Variants in IRX4 observed in about 807,000 individuals in gnomAD.
IRX4 encodes iroquois-class homeodomain protein IRX-4.
A neutral mutation model predicts 32.0 loss-of-function variants in IRX4; 22 were observed. The observed-to-expected ratio is 0.69, with a 90% CI of 0.49 to 0.98. The LOEUF is 0.98. Ranked by LOEUF, IRX4 falls within the 50% of genes least tolerant of loss-of-function variation. IRX4 has a pLI of 0.00. For missense variants in IRX4, 840 were observed against 744.2 expected (o/e 1.13, Z -1.50); for synonymous variants, 379 against 351.7 (o/e 1.08, Z -0.87).
chr5:1,878,327 G>T lies in IRX4; in HGVS notation c.1202C>A (p.Ala401Glu), dbSNP rs1347419625. The T allele has an allele frequency of 6.4e-7, 1 of 1,556,456 alleles. No individual in the cohort carries two copies. Residue 401 changes from alanine (A) to glutamate (E), a missense_variant, in exon 5 of 5, where the codon GCG becomes GAG. Ala to Glu is a moderately radical substitution (Grantham distance 107). Transcript: ENST00000231357. Reference protein sequence around the residue: ...PSCMLKRQGPAAPAAVSSAPA... With the variant: ...PSCMLKRQGPEAPAAVSSAPA... ...CGCGGAGGACACAGCCGCAGGGGCC[G>T]CGGGACCTTGGCGCTTGAGCATGCA...
chr5:1,884,688 C>A (rs536136412), upstream of IRX4: 6 of 152,258 alleles, frequency 3.9e-5, no homozygotes. Flanking sequence ...CGCGGCAGGC[C>A]GCGTTTCTTT....
Position 1,881,058 on chromosome 5 carries a change from GGTGGGGGGGGGC to G in IRX4, c.298-236_298-225del, listed in dbSNP as rs1275579444. 228 of 114,002 alleles carry G rather than the reference GGTGGGGGGGGGC, an allele frequency of 2.0e-3. 30 individuals carry two copies. The highest frequency in any genetic ancestry group is 3.7e-3 in the Non-Finnish European group (189 of 50,426). The allele number at this position is 114,002 out of a possible 1,614,324, so 7.1% of individuals were successfully genotyped here. On this transcript the variant is annotated intron_variant, in intron 2 of 4. Transcript: ENST00000231357. The stretch of plus-strand genomic sequence containing the variant: ...AGCAGTGTGTGGTGGAGCGCGGGCC[GGTGGGGGGGGGC>G]GGGGGGGAGGAGGTGCAGTGTGGGG...
chr5:1,882,682 G>T lies in IRX4; in HGVS notation c.-35C>A. 1.5e-6 allele frequency: 2 copies of T among 1,326,810 alleles called. No homozygotes were observed. Among genetic ancestry groups the T allele is most frequent in the Non-Finnish European group, 2.0e-6 (2 of 1,023,536 alleles). The allele number at this position is 1,326,810 out of a possible 1,614,324, so 82.2% of individuals were successfully genotyped here. ...GGCCCGGGGCGGACGGGCGGGGCCT[G>T]CAGGGTTCTGCGCGCTGGGGCCGGC... On this transcript the variant is annotated 5_prime_UTR_variant, in exon 1 of 5. The change creates a premature stop within an existing upstream ORF in the 5' untranslated region. Transcript: ENST00000231357.
In IRX4 at chr5:1,879,879, C is replaced by T. The variant is rs779370748; in HGVS notation, c.408-47G>A. ...GGCTCAGGCTGGGCCCTCTGGGCCC[C>T]AGGCATCATGGGCATAGGGGTGGGG... is the stretch of plus-strand genomic sequence containing the variant. On this transcript the variant is annotated intron_variant, in intron 3 of 4. Coordinates refer to ENST00000231357, the MANE Select transcript of IRX4 (RefSeq NM_016358.3). 92 of 1,607,446 alleles carry T rather than the reference C, an allele frequency of 5.7e-5. 1 individual carries two copies. The highest frequency in any genetic ancestry group is 5.4e-4 in the Admixed American group (32 of 59,760).
chr5:1,877,745 A>C lies in IRX4; in HGVS notation c.*224T>G, dbSNP rs761160795. The stretch of plus-strand genomic sequence containing the variant: ...CGAGAGCCTCTCCTTCCGCGTCCCA[A>C]ATTTGGGAATGGCCCGGTCAGGCTC... On this transcript the variant is annotated 3_prime_UTR_variant, in exon 5 of 5. Coordinates refer to ENST00000231357, the MANE Select transcript of IRX4 (RefSeq NM_016358.3). The C allele has an allele frequency of 1.3e-4, 70 of 527,238 alleles. No homozygotes were observed. Among genetic ancestry groups the C allele is most frequent in the Middle Eastern group, 4.9e-4 (1 of 2,056 alleles). The allele number at this position is 527,238 out of a possible 1,614,324, so 32.7% of individuals were successfully genotyped here.
At chr5:1,886,856 C>A (rs1324412938), upstream of IRX4, 1 of 152,046 alleles carries the variant, frequency 6.6e-6, no homozygotes, top group Non-Finnish European at 1.5e-5. Context: ...GGAGCCCACT[C>A]CCTACCTGAG....
chr5:1,878,309 G>A lies in IRX4; in HGVS notation c.1220C>T (p.Ser407Phe), dbSNP rs1159259411. ...AGACGGGGACGTGGCGGGCGCGGAG[G>A]ACACAGCCGCAGGGGCCGCGGGACC... ...RQGPAAPAAV[S>F]SAPATSPSVA... is the part of the protein sequence containing the mutation. The change falls in exon 5 of 5, where the codon TCC (serine) becomes TTC (phenylalanine). Residue 407 changes from serine to phenylalanine, a missense_variant. Around this residue, in one of 3 missense-constraint regions of IRX4, gnomAD observed 585 missense variants for 488.0 expected, o/e 1.20. Coordinates refer to ENST00000231357, the MANE Select transcript of IRX4 (RefSeq NM_016358.3). 1 of 1,574,408 alleles carries A rather than the reference G, an allele frequency of 6.4e-7. No homozygotes were observed. The highest frequency in any genetic ancestry group is 2.3e-5 in the East Asian group (1 of 43,026).
At position 1,878,616 on chromosome 5, in the gene IRX4, G is replaced by A. The variant is rs1330827186; in HGVS notation, c.913C>T (p.Arg305Trp). The A allele has an allele frequency of 3.8e-6, 6 of 1,568,094 alleles. No homozygotes were observed. The highest frequency in any genetic ancestry group is 5.2e-6 in the Non-Finnish European group (6 of 1,157,624). ...CCGCCACCCGCGGCCAGAGACATCCGGAGCGCGCCTGAGGCCTCCTTGACC... is the reference window on the plus strand; with the variant it reads ...CCGCCACCCGCGGCCAGAGACATCCAGAGCGCGCCTGAGGCCTCCTTGACC... ...GPVKEASGAL[R>W]MSLAAGGGAA... The change falls in exon 5 of 5, where the codon CGG (arginine) becomes TGG (tryptophan). Residue 305 changes from arginine (R) to tryptophan (W), a missense_variant. Arg to Trp is a moderately radical substitution (Grantham distance 101). This residue lies in a region of IRX4 where 585 missense variants were observed against 488.0 expected (regional missense o/e 1.20). Coordinates refer to ENST00000231357, the MANE Select transcript of IRX4 (RefSeq NM_016358.3).
At chr5:1,882,518 G>C (rs1735487884) in intron 1 of IRX4, 85 bp downstream of exon 1, 1 of 1,202,916 alleles carries the variant, frequency 8.3e-7, no homozygotes, top group Admixed American at 2.1e-5. Context: ...GGCAGTCGTA[G>C]GTCGGACACT....
chr5:1,878,562 C>G lies in IRX4; in HGVS notation c.967G>C (p.Ala323Pro). ...GAALDEDLERARSCLRSAAAG... is the reference protein window; with the variant it reads ...GAALDEDLERPRSCLRSAAAG... Reference sequence around the variant, plus strand: ...GCCGCGCTGCGGAGACAGCTCCGGGCCCTCTCCAGGTCCTCGTCCAGAGCA... The same window carrying G: ...GCCGCGCTGCGGAGACAGCTCCGGGGCCTCTCCAGGTCCTCGTCCAGAGCA... The change falls in exon 5 of 5, where the codon GCC becomes CCC. Residue 323 changes from alanine (A) to proline (P), a missense_variant. Coordinates refer to ENST00000231357, the MANE Select transcript of IRX4 (RefSeq NM_016358.3). The G allele has an allele frequency of 3.2e-6, 5 of 1,542,328 alleles. No individual in the cohort carries two copies. Among genetic ancestry groups the G allele is most frequent in the Non-Finnish European group, 4.4e-6 (5 of 1,145,308 alleles).
chr5:1,877,745 A>G lies in IRX4; in HGVS notation c.*224T>C, dbSNP rs761160795. The G allele has an allele frequency of 3.6e-5, 19 of 527,120 alleles. No homozygotes were observed. The highest frequency in any genetic ancestry group is 4.9e-5 in the Non-Finnish European group (15 of 303,860). The allele number at this position is 527,120 out of a possible 1,614,324, so 32.7% of individuals were successfully genotyped here. ...CGAGAGCCTCTCCTTCCGCGTCCCAAATTTGGGAATGGCCCGGTCAGGCTC... is the reference window on the plus strand; with the variant it reads ...CGAGAGCCTCTCCTTCCGCGTCCCAGATTTGGGAATGGCCCGGTCAGGCTC... On this transcript the variant is annotated 3_prime_UTR_variant, in exon 5 of 5. Transcript: ENST00000231357.
In IRX4 at chr5:1,878,258, A is replaced by G; in HGVS notation, c.1271T>C (p.Leu424Pro). ...PSVALPHSGA[L>P]DRHQDSPVTS... ...TACCGGGGAGTCCTGGTGCCTGTCC[A>G]GGGCGCCAGAGTGGGGAAGGGCCAC... is the stretch of plus-strand genomic sequence containing the variant. Residue 424 changes from leucine (L) to proline (P), a missense_variant, in exon 5 of 5, where the codon CTG becomes CCG. By Grantham distance (98) the Leu-to-Pro change is moderately conservative. Coordinates refer to ENST00000231357, the MANE Select transcript of IRX4 (RefSeq NM_016358.3). 6.2e-7 allele frequency: 1 copy of G among 1,602,622 alleles called. No homozygotes were observed. Among genetic ancestry groups the G allele is most frequent in the Non-Finnish European group, 8.5e-7 (1 of 1,175,646 alleles).
intron 3 of IRX4, chr5:1,880,206 G>T: frequency 3.0e-6 from 4 of 1,333,276 alleles, no homozygotes; most frequent in Non-Finnish European, 3.1e-6. Context: ...CGTGTGGCAG[G>T]AAGGGTCATT....
At position 1,879,486 on chromosome 5, in the gene IRX4, G is replaced by T; in HGVS notation, c.736+18C>A. 6.2e-7 allele frequency: 1 copy of T among 1,612,794 alleles called. No homozygotes were observed. Among genetic ancestry groups the T allele is most frequent in the South Asian group, 1.1e-5 (1 of 91,070 alleles). Reference sequence around the variant, plus strand: ...GCACTCCAGGGCCTCAGCCCCCAGTGACAACCTCCCAACCCACCTGCGTTC... The same window carrying T: ...GCACTCCAGGGCCTCAGCCCCCAGTTACAACCTCCCAACCCACCTGCGTTC... On this transcript the variant is annotated intron_variant, in intron 4 of 4. Coordinates refer to ENST00000231357, the MANE Select transcript of IRX4 (RefSeq NM_016358.3).
At position 1,879,496 on chromosome 5, in the gene IRX4, C is replaced by T; in HGVS notation, c.736+8G>A. On this transcript the variant is annotated splice_region_variant and intron_variant, in intron 4 of 4. Coordinates refer to ENST00000231357, the MANE Select transcript of IRX4 (RefSeq NM_016358.3). Reference sequence around the variant, plus strand: ...GCCTCAGCCCCCAGTGACAACCTCCCAACCCACCTGCGTTCTTGGAGCTCT... The same window carrying T: ...GCCTCAGCCCCCAGTGACAACCTCCTAACCCACCTGCGTTCTTGGAGCTCT... The T allele has an allele frequency of 6.2e-7, 1 of 1,613,038 alleles. No homozygotes were observed. The highest frequency in any genetic ancestry group is 1.3e-5 in the African/African-American group (1 of 75,060).
chr5:1,879,701 A>G lies in IRX4; in HGVS notation c.539T>C (p.Ile180Thr), dbSNP rs1217874771. The change falls in exon 4 of 5, where the codon ATC (isoleucine) becomes ACC (threonine). Residue 180 changes from isoleucine (I) to threonine (T), a missense_variant. Transcript: ENST00000231357. ...PTKGEKIMLA[I>T]ITKMTLTQVS... ...CTGTGTGAGGGTCATCTTGGTGATG[A>G]TGGCCAGCATGATCTTCTCGCCCTT... 2.5e-6 allele frequency: 4 copies of G among 1,614,194 alleles called. No homozygotes were observed. The highest frequency in any genetic ancestry group is 3.4e-6 in the Non-Finnish European group (4 of 1,180,022).
Position 1,877,906 on chromosome 5 carries a change from TG to T in IRX4, c.*62del. 2 of 1,397,928 alleles carry T rather than the reference TG, an allele frequency of 1.4e-6. No individual in the cohort carries two copies. The highest frequency in any genetic ancestry group is 2.7e-5 in the East Asian group (1 of 37,376). 86.6% of individuals were successfully genotyped at this position (1,397,928 alleles called of 1,614,324 possible). On this transcript the variant is annotated 3_prime_UTR_variant, in exon 5 of 5. Coordinates refer to ENST00000231357, the MANE Select transcript of IRX4 (RefSeq NM_016358.3). Reference sequence around the variant, plus strand: ...CGCTAGTCTTCCTCTGGAAACTCAGTGAAAAGAGTCGGCGCCGTCCGCCTGA... The same window carrying T: ...CGCTAGTCTTCCTCTGGAAACTCAGTAAAAGAGTCGGCGCCGTCCGCCTGA...
intron 3 of IRX4, 85 bp from the exon 4 acceptor site, chr5:1,879,917 C>T: frequency 1.9e-6 from 3 of 1,574,616 alleles, no homozygotes; most frequent in Non-Finnish European, 2.6e-6. Flanking sequence ...CGGCCAGGGG[C>T]ATGCCAGGAT....
Position 1,879,790 on chromosome 5 carries a change from CG to C in IRX4, c.449del (p.Thr150SerfsTer35). ...MDSGTRRKNATRETTSTLKAW... is the reference protein window; with the variant it reads ...MDSGTRRKNAXRETTSTLKAW... ...CCTTGAGCGTGCTGGTGGTCTCGCG[CG>C]TGGCGTTCTTGCGCCGCGTGCCGCT... is the stretch of plus-strand genomic sequence containing the variant. On this transcript the variant is annotated frameshift_variant, in exon 4 of 5. Coordinates refer to ENST00000231357, the MANE Select transcript of IRX4 (RefSeq NM_016358.3). LOFTEE classifies it high-confidence loss of function. 3 of 1,614,120 alleles carry C rather than the reference CG, an allele frequency of 1.9e-6. No homozygotes were observed. The highest frequency in any genetic ancestry group is 2.5e-6 in the Non-Finnish European group (3 of 1,180,032).
Sources: allele counts gnomAD v4.1 joint callset, GRCh38; gene constraint gnomAD v4.1.1; regional missense constraint gnomAD v4.1.1; transcripts MANE v1.5; gene names NCBI Gene and HGNC (gene_info 2026-07-23, HGNC 2026-07-21).